SYNE2: variants seen among roughly 807,000 people sequenced by gnomAD.
SYNE2 encodes nesprin-2.
In SYNE2, 431 loss-of-function variants were observed where a neutral mutation model predicts 856.3. The ratio of observed to expected loss-of-function variants is 0.50; its 90% confidence interval spans 0.47 to 0.55. The LOEUF is 0.55. SYNE2 is among the 20% of genes least tolerant of loss of function. The pLI, the probability that SYNE2 is intolerant of heterozygous loss-of-function variation, is 0.00. For synonymous variants in SYNE2, 2,923 were observed against 2,872.3 expected, an observed-to-expected ratio of 1.02 and a Z score of -0.56; for missense variants, 8,129 against 8,023.2, an observed-to-expected ratio of 1.01 and a Z score of -0.50.
chr14:64,163,259 G>A, intron 88 of SYNE2, 143 bp from the exon 89 acceptor site: 2 of 1,031,240 alleles, frequency 1.9e-6, no homozygotes, highest in Non-Finnish European at 2.9e-6. Flanking sequence ...AGCCTTTTCA[G>A]CTATTTAAAA....
intron 79 of SYNE2, 97 bp from the exon 80 acceptor site, chr14:64,139,844 G>C: frequency 8.4e-7 from 1 of 1,193,092 alleles, no homozygotes; most frequent in Non-Finnish European, 1.2e-6. Context: ...GATCAACATA[G>C]GAGGACATAC....
chr14:64,062,710 T>C (rs778434894), intron 49 of SYNE2, 41 bp from the exon 50 acceptor site: 1 of 1,556,586 alleles, frequency 6.4e-7, no homozygotes, highest in East Asian at 2.2e-5. Context: ...TTGTGTTAAA[T>C]AAAATTTAAT....
intron 90 of SYNE2, among the ~76,000 whole-genome samples, chr14:64,166,570 C>T (rs186396343): frequency 6.6e-6 from 1 of 152,306 alleles, no homozygotes; most frequent in Non-Finnish European, 1.5e-5. Flanking sequence ...ATTTTCATCA[C>T]TCTGTGCTTG....
chr14:63,768,806 CATATCA>C (rs1886785232), intron 1 of SYNE2, among the ~76,000 whole-genome samples: 1 of 152,010 alleles, frequency 6.6e-6, no homozygotes, highest in Non-Finnish European at 1.5e-5. Flanking sequence ...GTACAAGGTG[CATATCA>C]CTAGTCTGGC....
At chr14:64,020,134 A>G (rs1395845114) in intron 35 of SYNE2, 41 bp downstream of exon 35, 3 of 1,387,650 alleles carry the variant, frequency 2.2e-6, no homozygotes, top group Non-Finnish European at 3.1e-6. Context: ...TTGAGGCTTC[A>G]GTAAGCCATA....
chr14:63,978,161 T>C (rs1216404191), intron 13 of SYNE2, 144 bp downstream of exon 13: 1 of 691,338 alleles, frequency 1.4e-6, no homozygotes, highest in African/African-American at 1.8e-5. Context: ...TCTTCACGTT[T>C]TATGTAGTAG....
chr14:64,013,581 T>C (rs1214897834), intron 32 of SYNE2, among the ~76,000 whole-genome samples: 1 of 152,144 alleles, frequency 6.6e-6, no homozygotes, highest in Non-Finnish European at 1.5e-5. Context: ...CCATGCGGCA[T>C]TTGACTTTCT....
chr14:63,895,788 A>AAAAAC (rs1293938584), intron 1 of SYNE2, among the ~76,000 whole-genome samples: 2 of 151,410 alleles, frequency 1.3e-5, no homozygotes, highest in East Asian at 3.9e-4. Flanking sequence ...AAAAAAAAAA[A>AAAAAC]AAAAAAACCT....
At chr14:64,074,362 C>T (rs1332985621) in intron 53 of SYNE2, among the ~76,000 whole-genome samples, 1 of 152,138 alleles carries the variant, frequency 6.6e-6, no homozygotes, top group Non-Finnish European at 1.5e-5. Context: ...GGAAGGTAGG[C>T]CAGTCTGGAC....
intron 1 of SYNE2, among the ~76,000 whole-genome samples, chr14:63,796,389 A>G (rs1887915084): frequency 6.6e-6 from 1 of 152,094 alleles, no homozygotes. Context: ...CCCGGGAAGC[A>G]GAGGTTACAG....
chr14:64,131,245 A>G (rs1431264249), intron 76 of SYNE2, among the ~76,000 whole-genome samples: 2 of 152,164 alleles, frequency 1.3e-5, no homozygotes, highest in East Asian at 3.9e-4. Context: ...GTCTCTATGT[A>G]TATGTCCTTT....
chr14:64,139,848 G>A lies in SYNE2; in HGVS notation c.14844-93G>A, dbSNP rs2153690629. 3 of 1,223,368 alleles carry A rather than the reference G, an allele frequency of 2.5e-6. No individual in the cohort carries two copies. The South Asian group carries it at 3.6e-5, about 15-fold the overall frequency. The allele number at this position is 1,223,368 out of a possible 1,614,324, so 75.8% of individuals were successfully genotyped here. Reference sequence around the variant, plus strand: ...ATGTTAGGACTGATCAACATAGGAGGACATACAATAAAATAAGAAAATTTG... The same window carrying A: ...ATGTTAGGACTGATCAACATAGGAGAACATACAATAAAATAAGAAAATTTG... On this transcript the variant is annotated intron_variant, in intron 79 of 115. Coordinates refer to ENST00000555002, the MANE Select transcript of SYNE2 (RefSeq NM_182914.3).
intron 11 of SYNE2, among the ~76,000 whole-genome samples, chr14:63,971,266 C>T (rs2096473251): frequency 6.6e-6 from 1 of 151,846 alleles, no homozygotes; most frequent in African/African-American, 2.4e-5. Context: ...CATGCATCAC[C>T]ATGCACACTT....
Position 64,188,619 on chromosome 14 carries a change from G to C in SYNE2, c.17782G>C (p.Glu5928Gln), listed in dbSNP as rs2098503138. 1 of 1,614,226 alleles carries C rather than the reference G, an allele frequency of 6.2e-7. No homozygotes were observed. The change falls in exon 98 of 116, where the codon GAG (glutamate) becomes CAG (glutamine). Residue 5928 changes from glutamate to glutamine, a missense_variant. Glu to Gln is a conservative substitution (Grantham distance 29, BLOSUM62 2). Around this residue, in one of 3 missense-constraint regions of SYNE2, gnomAD observed 5,410 missense variants for 5,284.8 expected, o/e 1.02. Coordinates refer to ENST00000555002, the MANE Select transcript of SYNE2 (RefSeq NM_182914.3). Reference sequence around the variant, plus strand: ...GGTTGTATTCAATGAAAAAAATAAAGAGTTGTGTGCCTGGCTGGTGCAGAT... The same window carrying C: ...GGTTGTATTCAATGAAAAAAATAAACAGTTGTGTGCCTGGCTGGTGCAGAT... ...TWVVFNEKNK[E>Q]LCAWLVQMEN...
intron 99 of SYNE2, among the ~76,000 whole-genome samples, chr14:64,201,921 C>G (rs1821336243): frequency 6.6e-6 from 1 of 152,230 alleles, no homozygotes; most frequent in South Asian, 2.1e-4. Flanking sequence ...TCACCTCGCT[C>G]TGCTTTAGGA....
intron 59 of SYNE2, among the ~76,000 whole-genome samples, 161 bp downstream of exon 59, chr14:64,089,857 C>T (rs372994574): frequency 1.3e-5 from 2 of 152,020 alleles, no homozygotes; most frequent in Non-Finnish European, 2.9e-5. Flanking sequence ...ATATTTAAAT[C>T]GTAGTTGTAG....
Position 64,076,105 on chromosome 14 carries a change from T to G in SYNE2, c.11022+5T>G. ...TTAGAAGACATAGATGAGAAGGTAATAATAATGTCTGTACTACTGTTATTA... is the reference window on the plus strand; with the variant it reads ...TTAGAAGACATAGATGAGAAGGTAAGAATAATGTCTGTACTACTGTTATTA... On this transcript the variant is annotated splice_donor_5th_base_variant and intron_variant, in intron 54 of 115. Transcript: ENST00000555002. The G allele has an allele frequency of 6.8e-6, 11 of 1,612,952 alleles. No individual in the cohort carries two copies. The highest frequency in any genetic ancestry group is 9.3e-6 in the Non-Finnish European group (11 of 1,179,356).
intron 61 of SYNE2, among the ~76,000 whole-genome samples, chr14:64,096,390 A>G (rs926128851): frequency 5.3e-5 from 8 of 152,200 alleles, no homozygotes; most frequent in Admixed American, 1.3e-4. Flanking sequence ...GGCAAATAAC[A>G]TTTTAGTATT....
Position 64,053,227 on chromosome 14 carries a change from TAAATGAAAATA to T in SYNE2, c.9316_9326del (p.Asn3106AspfsTer3), listed in dbSNP as rs751583097. On this transcript the variant is annotated frameshift_variant, in exon 48 of 116. Coordinates refer to ENST00000555002, the MANE Select transcript of SYNE2 (RefSeq NM_182914.3). LOFTEE classifies it high-confidence loss of function. ...TTATGTGATGAGATAATAAAGAAAT[TAAATGAAAATA>T]AGACCTTTGATGACTCATTCAAGGA... 1 of 1,612,462 alleles carries T rather than the reference TAAATGAAAATA, an allele frequency of 6.2e-7. No homozygotes were observed. Among genetic ancestry groups the T allele is most frequent in the Non-Finnish European group, 8.5e-7 (1 of 1,179,528 alleles).
Sources: gnomAD v4.1 joint callset for allele counts (sites outside exome capture counted in the v4.1 genomes callset) on GRCh38, gnomAD v4.1.1 for gene constraint, gnomAD v4.1.1 regional missense constraint, MANE v1.5 for transcripts, NCBI Gene and HGNC (gene_info 2026-07-23, HGNC 2026-07-21) for gene names.